CCDC141: variants seen among roughly 807,000 people sequenced by gnomAD.
CCDC141 encodes the protein coiled-coil domain containing 141.
Under a neutral mutation model 181.0 loss-of-function variants are expected in CCDC141, and 168 were observed. The ratio of observed to expected loss-of-function variants is 0.93; its 90% CI spans 0.82 to 1.05. The LOEUF (loss-of-function observed/expected upper bound fraction) is 1.05, where lower values mean the gene tolerates loss of function less well. Ranked by LOEUF, CCDC141 falls within the 50% of genes least tolerant of loss-of-function variation. CCDC141 has a pLI of 0.00. For missense variants in CCDC141, 1,902 were observed against 1,788.5 expected (o/e 1.06, Z -1.14); for synonymous variants, 666 against 642.3 (o/e 1.04, Z -0.56).
chr2:179,023,589 C>T (rs1024273717), intron 2 of CCDC141, among the ~76,000 whole-genome samples: 1 of 152,150 alleles, frequency 6.6e-6, no homozygotes, highest in African/African-American at 2.4e-5. Flanking sequence ...TATGTTTATA[C>T]ATATATCACA....
At chr2:179,007,354 T>C (rs1486442427) in intron 2 of CCDC141, among the ~76,000 whole-genome samples, 1 of 152,238 alleles carries the variant, frequency 6.6e-6, no homozygotes, top group Non-Finnish European at 1.5e-5. Flanking sequence ...TCCACATTTT[T>C]CATGGCTTCT....
chr2:179,037,537 A>T (rs2043178426), intron 2 of CCDC141, among the ~76,000 whole-genome samples: 1 of 152,236 alleles, frequency 6.6e-6, no homozygotes, highest in African/African-American at 2.4e-5. Context: ...TTCTTAAAGA[A>T]TATCATCAAG....
chr2:178,920,265 T>C (rs1035460402), intron 6 of CCDC141, among the ~76,000 whole-genome samples: 6 of 152,196 alleles, frequency 3.9e-5, no homozygotes, highest in African/African-American at 1.4e-4. Flanking sequence ...GTACAAAGTA[T>C]CCTATTATTA....
intron 6 of CCDC141, among the ~76,000 whole-genome samples, chr2:178,941,482 C>T (rs1689509416): frequency 6.6e-6 from 1 of 152,082 alleles, no homozygotes; most frequent in Admixed American, 6.5e-5. Context: ...CTTCATTTGA[C>T]TGAATCAGTC....
intron 22 of CCDC141, among the ~76,000 whole-genome samples, chr2:178,842,974 T>C (rs1483446063): frequency 2.0e-5 from 3 of 152,142 alleles, no homozygotes; most frequent in African/African-American, 7.2e-5. Context: ...ATTGTGTGTG[T>C]GTGTGTTGAG....
At chr2:178,982,670 G>C (rs1183674740) in intron 2 of CCDC141, among the ~76,000 whole-genome samples, 1 of 152,190 alleles carries the variant, frequency 6.6e-6, no homozygotes, top group East Asian at 1.9e-4. Context: ...AAGGGGTCAG[G>C]GAGTTCCCTT....
In CCDC141 at chr2:178,961,275, C is replaced by T. The variant is rs1187834291; in HGVS notation, c.735G>A (p.Leu245=). The change falls in exon 5 of 24, where the codon TTG becomes TTA. Residue 245 remains leucine, a synonymous_variant. Coordinates refer to ENST00000443758, the MANE Select transcript of CCDC141 (RefSeq NM_173648.4). The stretch of plus-strand genomic sequence containing the variant: ...ACTGACATATCTGCAGAACTTGACT[C>T]AATTCTTGCCACTGTTGCTTCAAGT... ...DKYLKQQWQE[L]SQVLQICQWD... The T allele has an allele frequency of 6.4e-7, 1 of 1,550,444 alleles. No homozygotes were observed. Among genetic ancestry groups the T allele is most frequent in the East Asian group, 2.4e-5 (1 of 40,918 alleles).
intron 11 of CCDC141, 26 bp from the exon 12 acceptor site, chr2:178,878,169 A>G (rs751594002): frequency 6.8e-7 from 1 of 1,473,062 alleles, no homozygotes; most frequent in South Asian, 1.3e-5. Flanking sequence ...GAGAGTTAAG[A>G]ACACTTAAAC....
chr2:178,908,017 A>T (rs1688052639), intron 7 of CCDC141, among the ~76,000 whole-genome samples: 1 of 152,074 alleles, frequency 6.6e-6, no homozygotes, highest in African/African-American at 2.4e-5. Context: ...AAAAAAAAAA[A>T]TAAACAATGA....
At chr2:178,840,219 C>A (rs756305631) in intron 22 of CCDC141, among the ~76,000 whole-genome samples, 11 of 152,186 alleles carry the variant, frequency 7.2e-5, no homozygotes, top group Admixed American at 6.5e-5. Flanking sequence ...TGCCTCAACT[C>A]TCTCTCATCA....
chr2:178,831,960 G>A lies in CCDC141; in HGVS notation c.*2213C>T, dbSNP rs1684265422. 1 of 151,766 alleles carries A rather than the reference G, an allele frequency of 6.6e-6. No individual in the cohort carries two copies. Among genetic ancestry groups the A allele is most frequent in the Admixed American group, 6.6e-5 (1 of 15,218 alleles). 9.4% of individuals were successfully genotyped at this position (151,766 alleles called of 1,614,324 possible). A position where few individuals can be genotyped will look rare whatever the true frequency, so the allele number is the denominator to read the frequency against. On this transcript the variant is annotated 3_prime_UTR_variant, in exon 24 of 24. Transcript: ENST00000443758. ...TGTATCTCATTCTGCTCCCCAAAGA[G>A]TTAACATGAACAAGCATGCAATAGA...
rs1559048889 is a variant in CCDC141 at position 179,015,120 on chromosome 2, T to TATATATATATTATATATAAAC, written c.225+32163_225+32164insGTTTATATATAATATATATAT. ...TATATATATAATATATATATAATCATATATATATATCATATCATATATATC... is the reference window on the plus strand; with the variant it reads ...TATATATATAATATATATATAATCATATATATATATTATATATAAACATATATATATCATATCATATATATC... On this transcript the variant is annotated intron_variant, in intron 2 of 23. Transcript: ENST00000443758. Among the ~76,000 whole-genome samples, 3 of 62,026 alleles carry TATATATATATTATATATAAAC rather than the reference T, an allele frequency of 4.8e-5. 1 individual carries two copies. The highest frequency in any genetic ancestry group is 9.0e-5 in the Non-Finnish European group (3 of 33,380). The allele number at this position is 62,026 out of a possible 152,430, so 40.7% of individuals were successfully genotyped here.
intron 5 of CCDC141, among the ~76,000 whole-genome samples, chr2:178,959,629 G>A (rs1690310432): frequency 6.6e-6 from 1 of 152,218 alleles, no homozygotes; most frequent in African/African-American, 2.4e-5. Flanking sequence ...GCATGTGAGA[G>A]TGTATAATGG....
Position 178,888,655 on chromosome 2 carries a change from C to T in CCDC141, c.1279G>A (p.Gly427Ser), listed in dbSNP as rs186783336. 22 of 1,550,530 alleles carry T rather than the reference C, an allele frequency of 1.4e-5. No homozygotes were observed. Among genetic ancestry groups the T allele is most frequent in the African/African-American group, 4.1e-5 (3 of 73,076 alleles). Reference sequence around the variant, plus strand: ...ATGCACCCCATCATCTCATGGATGCCGGACACCTGAGAGCTGAACAGAGCA... The same window carrying T: ...ATGCACCCCATCATCTCATGGATGCTGGACACCTGAGAGCTGAACAGAGCA... Reference protein sequence around the residue: ...QVDSCSSQVSGIHEMMGCIKR... With the variant: ...QVDSCSSQVSSIHEMMGCIKR... Residue 427 changes from glycine to serine, a missense_variant, in exon 9 of 24, where the codon GGC (glycine) becomes AGC (serine). Coordinates refer to ENST00000443758, the MANE Select transcript of CCDC141 (RefSeq NM_173648.4).
Position 179,049,925 on chromosome 2 carries a change from C to A in CCDC141, c.17G>T (p.Ser6Ile). 1 of 1,550,590 alleles carries A rather than the reference C, an allele frequency of 6.4e-7. No individual in the cohort carries two copies. The highest frequency in any genetic ancestry group is 8.7e-7 in the Non-Finnish European group (1 of 1,146,934). Residue 6 changes from serine to isoleucine, a missense_variant, in exon 1 of 24, where the codon AGT becomes ATT. By Grantham distance (142) the Ser-to-Ile change is moderately radical. Coordinates refer to ENST00000443758, the MANE Select transcript of CCDC141 (RefSeq NM_173648.4). ...CGTCGTAGAAAGCGCAACACTAGGA[C>A]TTCCTTGGCTGGACATGGTACTTTA... The part of the protein sequence containing the change: MSSQG[S>I]PSVALSTTTV...
At chr2:179,044,048 C>A (rs775453402) in intron 2 of CCDC141, among the ~76,000 whole-genome samples, 31 of 152,160 alleles carry the variant, frequency 2.0e-4, no homozygotes, top group Non-Finnish European at 3.1e-4. Context: ...AATGAACTCC[C>A]ATTCACAATT....
intron 17 of CCDC141, among the ~76,000 whole-genome samples, chr2:178,864,365 G>A (rs1685752456): frequency 6.6e-6 from 1 of 152,168 alleles, no homozygotes; most frequent in South Asian, 2.1e-4. Context: ...GTGCTCTGAC[G>A]GTTTTCCTTA....
At chr2:178,953,399 T>C (rs1433980323) in intron 5 of CCDC141, among the ~76,000 whole-genome samples, 2 of 150,134 alleles carry the variant, frequency 1.3e-5, no homozygotes, top group East Asian at 3.9e-4. Flanking sequence ...ATTGCACCAC[T>C]GCACTCCAGC....
chr2:178,957,562 C>T (rs1112467), intron 5 of CCDC141, among the ~76,000 whole-genome samples: 16,297 of 152,160 alleles, frequency 0.11, 1,439 homozygotes, highest in South Asian at 0.22. Context: ...CAATTGTGTT[C>T]CTTGGTATTT....
Sources: gnomAD v4.1 joint callset for allele counts (sites outside exome capture counted in the v4.1 genomes callset) on GRCh38, gnomAD v4.1.1 for gene constraint, MANE v1.5 for transcripts, NCBI Gene and HGNC (gene_info 2026-07-23, HGNC 2026-07-21) for gene names.